STK32B: variants seen among roughly 807,000 people sequenced by gnomAD.
STK32B encodes the protein serine/threonine-protein kinase 32B.
Under a neutral mutation model 52.6 loss-of-function variants are expected in STK32B, and 43 were observed. The observed-to-expected ratio is 0.82, with a 90% CI of 0.64 to 1.05. The LOEUF is 1.05. STK32B is among the 50% of genes least tolerant of loss of function. STK32B has a pLI of 0.00. For missense variants in STK32B, 621 were observed against 534.6 expected (o/e 1.16, Z -1.59); for synonymous variants, 238 against 204.3 (o/e 1.17, Z -1.41).
intron 3 of STK32B, among the ~76,000 whole-genome samples, chr4:5,328,244 G>A (rs947796469): frequency 6.6e-6 from 1 of 152,188 alleles, no homozygotes; most frequent in Non-Finnish European, 1.5e-5. Context: ...TCTTACATGC[G>A]TTCATTGGAG....
At chr4:5,131,153 CA>C (rs1715749316) in intron 1 of STK32B, among the ~76,000 whole-genome samples, 1 of 152,198 alleles carries the variant, frequency 6.6e-6, no homozygotes, top group African/African-American at 2.4e-5. Flanking sequence ...TTGAGGAGAA[CA>C]GACCTAAATC....
the STK32B span, among the ~76,000 whole-genome samples, chr4:5,028,960 G>A: frequency 3.3e-5 from 5 of 152,278 alleles, no homozygotes; most frequent in South Asian, 4.1e-4. Context: ...TCGCATGGCC[G>A]GAACAAGAGG....
chr4:5,132,741 T>A (rs983607637), intron 1 of STK32B, among the ~76,000 whole-genome samples: 2 of 152,074 alleles, frequency 1.3e-5, no homozygotes, highest in African/African-American at 4.8e-5. Context: ...CCATTTGTTA[T>A]AGCAGCACCT....
At chr4:5,361,381 A>G (rs971834779) in intron 4 of STK32B, among the ~76,000 whole-genome samples, 13 of 151,978 alleles carry the variant, frequency 8.6e-5, no homozygotes, top group Admixed American at 5.9e-4. Context: ...TTAATTTTCT[A>G]TTTTTATTTT....
intron 3 of STK32B, among the ~76,000 whole-genome samples, chr4:5,224,824 ATTAAT>A (rs544088059): frequency 5.8e-4 from 89 of 152,284 alleles, no homozygotes; most frequent in Admixed American, 1.0e-3. Flanking sequence ...AGTTGATATG[ATTAAT>A]TAATAATACT....
Position 5,246,214 on chromosome 4 carries a change from G to C in STK32B, c.260+77764G>C, listed in dbSNP as rs184502222. ...CCCCGTCACTTTCAGGTACACCAATGAGACGTAGATTTGGTCTTTTCACAT... is the reference window on the plus strand; with the variant it reads ...CCCCGTCACTTTCAGGTACACCAATCAGACGTAGATTTGGTCTTTTCACAT... On this transcript the variant is annotated intron_variant, in intron 3 of 11. Transcript: ENST00000282908. 4.7e-3 allele frequency among the ~76,000 whole-genome samples: 710 copies of C among 152,278 alleles called. 2 individuals are homozygous for C. Among genetic ancestry groups the C allele is most frequent in the African/African-American group, 0.015 (636 of 41,564 alleles).
At chr4:5,261,149 C>T (rs1029074912) in intron 3 of STK32B, among the ~76,000 whole-genome samples, 1 of 152,088 alleles carries the variant, frequency 6.6e-6, no homozygotes, top group African/African-American at 2.4e-5. Context: ...ATAAGGGGGT[C>T]CGGGTAGCAC....
intron 6 of STK32B, among the ~76,000 whole-genome samples, chr4:5,442,506 G>A (rs1432345560): frequency 1.8e-4 from 27 of 150,176 alleles, no homozygotes; most frequent in South Asian, 4.5e-4. Context: ...GTCTCTGCAC[G>A]TGAGATGGAT....
intron 3 of STK32B, among the ~76,000 whole-genome samples, chr4:5,313,204 C>A (rs73794554): frequency 0.066 from 10,051 of 151,600 alleles, 578 homozygotes; most frequent in African/African-American, 0.16. Context: ...TTGAGATTCA[C>A]TATAGACTTG....
At chr4:5,326,834 G>A (rs1731910272) in intron 3 of STK32B, among the ~76,000 whole-genome samples, 1 of 152,140 alleles carries the variant, frequency 6.6e-6, no homozygotes, top group African/African-American at 2.4e-5. Flanking sequence ...CCACGATGAT[G>A]GAGTCTTCAC....
At chr4:5,093,973 A>G (rs940197196) in intron 1 of STK32B, among the ~76,000 whole-genome samples, 2 of 152,230 alleles carry the variant, frequency 1.3e-5, no homozygotes, top group Non-Finnish European at 1.5e-5. Context: ...TGAGGTCTGC[A>G]GGGCGGTTGG....
At chr4:5,323,441 A>C (rs906942412) in intron 3 of STK32B, among the ~76,000 whole-genome samples, 2 of 152,100 alleles carry the variant, frequency 1.3e-5, no homozygotes, top group Admixed American at 1.3e-4. Context: ...CAGGTCTATC[A>C]CTTCTGCACC....
chr4:5,276,608 T>C (rs556359200), intron 3 of STK32B, among the ~76,000 whole-genome samples: 1 of 152,136 alleles, frequency 6.6e-6, no homozygotes, highest in Non-Finnish European at 1.5e-5. Context: ...GCAGATTCTT[T>C]TTTTTTTATT....
At chr4:5,437,202 C>T (rs919402143) in intron 6 of STK32B, among the ~76,000 whole-genome samples, 2 of 152,254 alleles carry the variant, frequency 1.3e-5, no homozygotes, top group African/African-American at 4.8e-5. Context: ...TGGCAAGTTC[C>T]TTACCCCTTG....
intron 1 of STK32B, among the ~76,000 whole-genome samples, chr4:5,070,026 A>G (rs1164669102): frequency 6.6e-6 from 1 of 152,168 alleles, no homozygotes; most frequent in Non-Finnish European, 1.5e-5. Flanking sequence ...GGCACAAAAC[A>G]TGGAGAGAAG....
chr4:5,039,604 A>G, the STK32B span, among the ~76,000 whole-genome samples: 1 of 152,246 alleles, frequency 6.6e-6, no homozygotes, highest in Non-Finnish European at 1.5e-5. Flanking sequence ...AAATAATGAT[A>G]AAAGTATAGT....
intron 4 of STK32B, among the ~76,000 whole-genome samples, chr4:5,381,639 G>A (rs1307600802): frequency 6.6e-6 from 1 of 152,238 alleles, no homozygotes; most frequent in Non-Finnish European, 1.5e-5. Context: ...ACCCAGAGGT[G>A]TGGATTCAGG....
intron 5 of STK32B, among the ~76,000 whole-genome samples, chr4:5,415,254 A>C (rs1408529915): frequency 2.0e-5 from 3 of 152,176 alleles, no homozygotes; most frequent in Admixed American, 6.5e-5. Context: ...CATGTGTATA[A>C]ACTCCCTGAT....
chr4:5,315,312 A>C (rs143368146), intron 3 of STK32B, among the ~76,000 whole-genome samples: 391 of 152,304 alleles, frequency 2.6e-3, no homozygotes, highest in Non-Finnish European at 4.4e-3. Flanking sequence ...CTAGCTTAAA[A>C]ATAGTGATAA....
Sources: gnomAD v4.1 joint callset for allele counts (sites outside exome capture counted in the v4.1 genomes callset) on GRCh38, gnomAD v4.1.1 for gene constraint, MANE v1.5 for transcripts, NCBI Gene and HGNC (gene_info 2026-07-23, HGNC 2026-07-21) for gene names.